The following LMF1 variants were observed in gnomAD, a reference collection of about 807,000 sequenced individuals.
The protein encoded by LMF1 is lipase maturation factor 1.
A neutral mutation model predicts 60.6 loss-of-function variants in LMF1; 68 were observed. The observed-to-expected ratio is 1.12, with a 90% confidence interval of 0.92 to 1.37. The LOEUF (loss-of-function observed/expected upper bound fraction) is 1.37. LMF1 is among the 40% of genes most tolerant of loss of function. The probability of loss-of-function intolerance (pLI) is 0.00; values close to 1 mark genes in which losing one functional copy is unlikely to be tolerated. For missense variants in LMF1, 948 were observed against 767.2 expected, an observed-to-expected ratio of 1.24 and a Z score of -2.78; for synonymous variants, 418 against 324.7, an observed-to-expected ratio of 1.29 and a Z score of -3.09.
intron 2 of LMF1, among the ~76,000 whole-genome samples, chr16:943,664 T>C (rs149076972): frequency 7.0e-6 from 1 of 143,158 alleles, no homozygotes; most frequent in East Asian, 2.0e-4. Context: ...GAGGTGGAGG[T>C]TGAAGTGAGC....
At chr16:866,357 T>G (rs2069609649) in intron 10 of LMF1, among the ~76,000 whole-genome samples, 1 of 151,820 alleles carries the variant, frequency 6.6e-6, no homozygotes, top group Non-Finnish European at 1.5e-5. Context: ...AGGGTGGGAG[T>G]CGTGGCTCTG....
intron 6 of LMF1, among the ~76,000 whole-genome samples, chr16:876,054 G>A (rs975641380): frequency 6.6e-6 from 1 of 152,234 alleles, no homozygotes; most frequent in East Asian, 1.9e-4. Context: ...CTGGCCCCAC[G>A]CCTGTGCTCA....
chr16:893,776 A>C (rs963246447), intron 4 of LMF1, among the ~76,000 whole-genome samples: 1 of 152,056 alleles, frequency 6.6e-6, no homozygotes, highest in African/African-American at 2.4e-5. Flanking sequence ...CCGGCTTCAG[A>C]TGATTCCTTC....
intron 4 of LMF1, among the ~76,000 whole-genome samples, chr16:908,081 C>A (rs4984971): frequency 0.3 from 46,002 of 152,024 alleles, 8,924 homozygotes; most frequent in African/African-American, 0.53. Flanking sequence ...CTTCCCCCAC[C>A]CGGCTGCTGT....
At chr16:957,900 T>C (rs1023217694) in intron 1 of LMF1, among the ~76,000 whole-genome samples, 2 of 152,094 alleles carry the variant, frequency 1.3e-5, no homozygotes, top group Admixed American at 6.6e-5. Flanking sequence ...CCCAGCACTT[T>C]GGGAGGCTGA....
chr16:871,411 T>C, intron 6 of LMF1, 70 bp from the exon 7 acceptor site: 1 of 1,288,054 alleles, frequency 7.8e-7, no homozygotes, highest in Non-Finnish European at 1.1e-6. Flanking sequence ...GGCGCCTCTC[T>C]TCCTGGAGCA....
At position 970,891 on chromosome 16, in the gene LMF1, C is replaced by A. The variant is rs1264682458; in HGVS notation, c.90G>T (p.Pro30=). Residue 30 remains proline (P), a synonymous_variant, in exon 1 of 11, where the codon CCG becomes CCT. Transcript: ENST00000262301. ...CTGCGGGGCCACGCCCCGGCGCGGG[C>A]GGCGACTCAGGCTCCGGATCCGAGT... ...TGYSDPEPES[P]PAPGRGPAGS... 2.2e-5 allele frequency: 34 copies of A among 1,574,966 alleles called. No individual in the cohort carries two copies. Among genetic ancestry groups the A allele is most frequent in the Non-Finnish European group, 2.9e-5 (34 of 1,162,768 alleles).
chr16:952,283 A>G (rs1418809514), intron 2 of LMF1, among the ~76,000 whole-genome samples: 2 of 148,436 alleles, frequency 1.3e-5, no homozygotes, highest in Non-Finnish European at 3.0e-5. Flanking sequence ...ACAAGTGCCC[A>G]CTCCAGCACA....
chr16:978,673 GGTGAGGT>G (rs2073247715), intron 1 of LMF1, among the ~76,000 whole-genome samples: 4 of 152,182 alleles, frequency 2.6e-5, no homozygotes, highest in African/African-American at 9.7e-5. Context: ...ACTAGCAGGT[GGTGAGGT>G]CAGGGTGGGT....
chr16:864,972 G>C (rs985437486), intron 10 of LMF1, among the ~76,000 whole-genome samples: 5 of 152,112 alleles, frequency 3.3e-5, no homozygotes, highest in African/African-American at 7.2e-5. Flanking sequence ...TGAATATACA[G>C]TCGGTCATTT....
chr16:936,251 A>G, intron 2 of LMF1, among the ~76,000 whole-genome samples: 1 of 146,214 alleles, frequency 6.8e-6, no homozygotes, highest in Non-Finnish European at 1.5e-5. Flanking sequence ...TGGGAGGGAG[A>G]GAGGGCACCC....
At chr16:883,188 G>A (rs112546697) in intron 5 of LMF1, among the ~76,000 whole-genome samples, 16,264 of 143,116 alleles carry the variant, frequency 0.11, 993 homozygotes, top group East Asian at 0.26. Flanking sequence ...AGAAAGAGGA[G>A]CTGCTCAGCA....
chr16:890,861 C>CG (rs35577048), intron 5 of LMF1, among the ~76,000 whole-genome samples: 67,191 of 152,110 alleles, frequency 0.44, 17,385 homozygotes, highest in African/African-American at 0.7. Context: ...GCCAACCCTC[C>CG]GGTGGCAGTG....
intron 8 of LMF1, 54 bp downstream of exon 8, chr16:870,675 G>A: frequency 6.3e-7 from 1 of 1,596,760 alleles, no homozygotes; most frequent in Non-Finnish European, 8.6e-7. Context: ...GGCTGGTCAG[G>A]GCTGAGTCTC....
At chr16:890,155 G>T (rs1017711986) in intron 5 of LMF1, among the ~76,000 whole-genome samples, 1 of 152,204 alleles carries the variant, frequency 6.6e-6, no homozygotes, top group Admixed American at 6.5e-5. Context: ...GCCGGTATAT[G>T]GGCCATTCCT....
chr16:980,565 G>A (rs1047620419), intron 1 of LMF1: 3 of 152,260 alleles, frequency 2.0e-5, no homozygotes, highest in Admixed American at 2.0e-4. Context: ...GGGTTTCGCG[G>A]GCCGCAAGCT....
chr16:917,901 C>T (rs990225344), intron 3 of LMF1, among the ~76,000 whole-genome samples: 8 of 152,228 alleles, frequency 5.3e-5, no homozygotes, highest in African/African-American at 1.7e-4. Flanking sequence ...CCTCCAGAAC[C>T]GGCCTGAGCT....
intron 2 of LMF1, among the ~76,000 whole-genome samples, chr16:948,493 CAG>C (rs1375504005): frequency 2.7e-5 from 4 of 149,282 alleles, no homozygotes; most frequent in African/African-American, 9.9e-5. Context: ...GAGCCAATGA[CAG>C]AGTCAGCCAA....
At chr16:892,136 G>A (rs1483023724) in intron 5 of LMF1, among the ~76,000 whole-genome samples, 1 of 152,248 alleles carries the variant, frequency 6.6e-6, no homozygotes, top group Non-Finnish European at 1.5e-5. Context: ...GACGGTGCCA[G>A]CTCCACGCTT....
Sources: allele counts gnomAD v4.1 joint callset (sites outside exome capture counted in the v4.1 genomes callset), GRCh38; gene constraint gnomAD v4.1.1; transcripts MANE v1.5; gene names NCBI Gene and HGNC (gene_info 2026-07-23, HGNC 2026-07-21).